BMPER: variants seen among roughly 807,000 people sequenced by gnomAD.
BMPER encodes the protein BMP-binding endothelial regulator protein.
Under a neutral mutation model 87.3 loss-of-function variants are expected in BMPER, and 45 were observed. That is an observed-to-expected ratio of 0.52 (90% CI 0.41 to 0.66). BMPER has a LOEUF of 0.66. BMPER is among the 30% of genes least tolerant of loss of function. The pLI, the probability that BMPER is intolerant of heterozygous loss-of-function variation, is 0.00. For synonymous variants in BMPER, 326 were observed against 316.2 expected (o/e 1.03, Z -0.33); for missense variants, 784 against 867.5 (o/e 0.90, Z 1.21).
intron 14 of BMPER, among the ~76,000 whole-genome samples, chr7:34,149,606 T>C (rs1483878095): frequency 6.6e-6 from 1 of 151,898 alleles, no homozygotes; most frequent in Non-Finnish European, 1.5e-5. Flanking sequence ...GATGTGAACA[T>C]TTAGTGCCAG....
At chr7:34,081,672 T>C (rs141886237) in intron 12 of BMPER, among the ~76,000 whole-genome samples, 48 of 152,376 alleles carry the variant, frequency 3.2e-4, no homozygotes, top group African/African-American at 1.1e-3. Context: ...TCATCAACTT[T>C]ACCTGAAAGA....
intron 6 of BMPER, among the ~76,000 whole-genome samples, chr7:34,006,205 T>C (rs960319768): frequency 6.6e-6 from 1 of 152,072 alleles, no homozygotes; most frequent in African/African-American, 2.4e-5. Flanking sequence ...GAAATAGGAA[T>C]TTTTTTCTAA....
intron 10 of BMPER, among the ~76,000 whole-genome samples, chr7:34,060,956 G>T (rs548532221): frequency 1.3e-5 from 2 of 152,194 alleles, no homozygotes; most frequent in African/African-American, 4.8e-5. Flanking sequence ...TGTCCTTTAG[G>T]GTCAGACAAA....
chr7:34,085,080 A>G (rs1348844826), intron 12 of BMPER, among the ~76,000 whole-genome samples: 1 of 152,202 alleles, frequency 6.6e-6, no homozygotes. Flanking sequence ...CGGAGGCCTG[A>G]GGGATAGCAA....
chr7:34,115,030 A>T (rs1267850461), intron 13 of BMPER, among the ~76,000 whole-genome samples: 2 of 152,250 alleles, frequency 1.3e-5, no homozygotes, highest in Admixed American at 1.3e-4. Flanking sequence ...ATAATTCTTA[A>T]TTTTCACCAA....
chr7:34,129,630 G>GAAAGAAAGAAAGAA (rs1336596665), intron 13 of BMPER, among the ~76,000 whole-genome samples: 50 of 56,308 alleles, frequency 8.9e-4, no homozygotes, highest in Admixed American at 2.0e-3. Flanking sequence ...GAGAGAAAGA[G>GAAAGAAAGAAAGAA]AGAAAGAAAG....
At chr7:33,923,792 C>A (rs73310823) in intron 2 of BMPER, among the ~76,000 whole-genome samples, 2,722 of 152,266 alleles carry the variant, frequency 0.018, 65 homozygotes, top group African/African-American at 0.062. Context: ...GACTTATAAG[C>A]ATTATGTTTT....
chr7:33,946,533 C>T (rs1220432159), intron 3 of BMPER, among the ~76,000 whole-genome samples: 1 of 152,196 alleles, frequency 6.6e-6, no homozygotes, highest in African/African-American at 2.4e-5. Flanking sequence ...TAGTCATTGC[C>T]TGCCACTCAA....
intron 11 of BMPER, among the ~76,000 whole-genome samples, chr7:34,067,577 A>C (rs1788626314): frequency 6.6e-6 from 1 of 152,060 alleles, no homozygotes; most frequent in African/African-American, 2.4e-5. Context: ...GGAAATTCGA[A>C]ACCAGAGCTC....
chr7:33,905,771 G>C, intron 1 of BMPER, 25 bp downstream of exon 1: 1 of 1,587,656 alleles, frequency 6.3e-7, no homozygotes, highest in East Asian at 2.3e-5. Flanking sequence ...GGGAGGGACC[G>C]GCCCTCCGGG....
chr7:33,989,987 G>A (rs1786156591), intron 6 of BMPER, among the ~76,000 whole-genome samples: 1 of 151,976 alleles, frequency 6.6e-6, no homozygotes, highest in South Asian at 2.1e-4. Context: ...CTCTGTTTTG[G>A]TACCAGTACC....
intron 2 of BMPER, among the ~76,000 whole-genome samples, chr7:33,936,051 CCA>C (rs149313025): frequency 1.3e-5 from 2 of 151,350 alleles, no homozygotes; most frequent in Non-Finnish European, 3.0e-5. Flanking sequence ...ACATGCACAC[CCA>C]CACACACACA....
upstream of BMPER, chr7:33,905,092 C>G (rs1562620801): frequency 5.9e-6 from 1 of 168,142 alleles, no homozygotes; most frequent in African/African-American, 2.4e-5. Context: ...ACGTCTGTTG[C>G]GGCGGAGCGA....
At chr7:33,987,468 C>T (rs1562670825) in intron 6 of BMPER, among the ~76,000 whole-genome samples, 3 of 152,292 alleles carry the variant, frequency 2.0e-5, no homozygotes, top group East Asian at 1.9e-4. Context: ...CTGAGTCATA[C>T]GCAGTGACTC....
rs200262646 is a variant in BMPER at position 34,126,862 on chromosome 7, C to CT, written c.1746-16362dup. 1.1e-4 allele frequency among the ~76,000 whole-genome samples: 16 copies of CT among 152,098 alleles called. 1 individual carries two copies. The highest frequency in any genetic ancestry group is 9.8e-4 in the Admixed American group (15 of 15,282). On this transcript the variant is annotated intron_variant, in intron 13 of 14. Coordinates refer to ENST00000649409, the MANE Select transcript of BMPER (RefSeq NM_001365308.1). ...AGATAAAAAGTAGTTTAGAATTTCT[C>CT]TTTTTTAAAAAAAATGTCCAAATTG... is the stretch of plus-strand genomic sequence containing the variant.
intron 13 of BMPER, among the ~76,000 whole-genome samples, chr7:34,119,559 T>C (rs902674594): frequency 1.3e-5 from 2 of 152,180 alleles, no homozygotes; most frequent in African/African-American, 4.8e-5. Flanking sequence ...TGCTTTCTGA[T>C]CTCTTGTTTC....
At chr7:33,948,107 G>T (rs895641452) in intron 3 of BMPER, among the ~76,000 whole-genome samples, 6 of 152,146 alleles carry the variant, frequency 3.9e-5, no homozygotes, top group Admixed American at 3.9e-4. Context: ...AAACAAAAGC[G>T]TGGTTCTTTC....
At chr7:34,147,090 TTTTG>T (rs1791047312) in intron 14 of BMPER, among the ~76,000 whole-genome samples, 4 of 152,148 alleles carry the variant, frequency 2.6e-5, no homozygotes, top group South Asian at 2.1e-4. Context: ...ACGTGGGTGT[TTTTG>T]TCTTTCTGTA....
chr7:34,062,436 A>G (rs1788460718), intron 11 of BMPER, among the ~76,000 whole-genome samples: 1 of 152,202 alleles, frequency 6.6e-6, no homozygotes, highest in South Asian at 2.1e-4. Flanking sequence ...CCCATTATAA[A>G]GCCAAACAGC....
Sources: allele counts gnomAD v4.1 joint callset (sites outside exome capture counted in the v4.1 genomes callset), GRCh38; gene constraint gnomAD v4.1.1; transcripts MANE v1.5; gene names NCBI Gene and HGNC (gene_info 2026-07-23, HGNC 2026-07-21).